CHRM2: variants seen among roughly 807,000 people sequenced by gnomAD.
CHRM2 encodes muscarinic acetylcholine receptor M2.
In CHRM2, 8 loss-of-function variants were observed where a neutral mutation model predicts 25.0. The ratio of observed to expected loss-of-function variants is 0.32; its 90% CI spans 0.19 to 0.58. CHRM2 has a LOEUF of 0.58. CHRM2 is among the 20% of genes least tolerant of loss of function. The pLI is 0.88. For missense variants in CHRM2, 440 were observed against 567.1 expected (o/e 0.78, Z 2.28); for synonymous variants, 202 against 205.7 (o/e 0.98, Z 0.15).
intron 2 of CHRM2, among the ~76,000 whole-genome samples, chr7:136,985,503 C>A: frequency 3.6e-5 from 2 of 55,398 alleles, no homozygotes. Context: ...GAGTTAGACT[C>A]CAAAAAAAAA....
intron 2 of CHRM2, chr7:136,903,156 C>T (rs751874705): frequency 3.0e-5 from 16 of 534,062 alleles, no homozygotes; most frequent in South Asian, 2.2e-4. Context: ...AGAGGATCTC[C>T]CTTCACTTTA....
chr7:136,934,133 T>C (rs1001674543), intron 2 of CHRM2, among the ~76,000 whole-genome samples: 1 of 152,100 alleles, frequency 6.6e-6, no homozygotes, highest in African/African-American at 2.4e-5. Flanking sequence ...TTTTTAAAAA[T>C]TGCAAATAAG....
chr7:136,961,047 C>A (rs1801042615), intron 2 of CHRM2, among the ~76,000 whole-genome samples: 2 of 152,234 alleles, frequency 1.3e-5, no homozygotes, highest in South Asian at 2.1e-4. Context: ...ACTGCATGAA[C>A]CCAGAAGGTG....
intron 3 of CHRM2, among the ~76,000 whole-genome samples, chr7:136,999,829 G>T (rs566827402): frequency 7.2e-5 from 11 of 152,272 alleles, no homozygotes; most frequent in Non-Finnish European, 1.5e-5. Flanking sequence ...GGAAATGTTG[G>T]TGAACGGGAA....
At chr7:136,882,570 T>C (rs1345838150) in intron 2 of CHRM2, among the ~76,000 whole-genome samples, 1 of 152,148 alleles carries the variant, frequency 6.6e-6, no homozygotes, top group East Asian at 1.9e-4. Flanking sequence ...AGTTTCCTAC[T>C]ACCCCAATCT....
At chr7:136,959,915 A>T (rs1800966464) in intron 2 of CHRM2, among the ~76,000 whole-genome samples, 1 of 152,146 alleles carries the variant, frequency 6.6e-6, no homozygotes, top group Non-Finnish European at 1.5e-5. Context: ...CCGTCCAAAA[A>T]ACAAAAACAA....
chr7:136,970,769 T>C (rs1478609691), intron 2 of CHRM2, among the ~76,000 whole-genome samples: 4 of 152,158 alleles, frequency 2.6e-5, no homozygotes. Flanking sequence ...AAAAAGGCCA[T>C]TTCTCTTTTC....
chr7:136,938,131 TCTC>T (rs1799529048), intron 2 of CHRM2: 1 of 627,322 alleles, frequency 1.6e-6, no homozygotes, highest in African/African-American at 1.8e-5. Flanking sequence ...CTGGCACTTG[TCTC>T]CTCTTCTTGT....
At chr7:136,901,048 A>T (rs566399646) in intron 2 of CHRM2, among the ~76,000 whole-genome samples, 1 of 152,036 alleles carries the variant, frequency 6.6e-6, no homozygotes, top group African/African-American at 2.4e-5. Context: ...TACACAAAAA[A>T]CCTCTTTTAG....
intron 2 of CHRM2, among the ~76,000 whole-genome samples, chr7:136,907,583 G>T (rs143063043): frequency 5.3e-4 from 81 of 151,972 alleles, no homozygotes; most frequent in African/African-American, 2.0e-3. Context: ...TAGGAATCAT[G>T]AAATTGAAAG....
At chr7:136,904,423 A>G (rs537871117) in intron 2 of CHRM2, among the ~76,000 whole-genome samples, 5 of 152,058 alleles carry the variant, frequency 3.3e-5, no homozygotes, top group South Asian at 4.1e-4. Flanking sequence ...AAATGCTTGT[A>G]GTATTTATCA....
At chr7:136,920,099 T>C (rs1031730844) in intron 2 of CHRM2, among the ~76,000 whole-genome samples, 4 of 151,920 alleles carry the variant, frequency 2.6e-5, no homozygotes, top group African/African-American at 4.8e-5. Context: ...CAACCTTATA[T>C]GGTGACATTT....
intron 2 of CHRM2, among the ~76,000 whole-genome samples, chr7:136,876,718 G>A (rs1188436459): frequency 6.6e-6 from 1 of 152,060 alleles, no homozygotes; most frequent in Admixed American, 6.6e-5. Flanking sequence ...GTCTTTTGAA[G>A]CTATCTGTAT....
chr7:136,943,568 C>G (rs145122049), intron 2 of CHRM2, among the ~76,000 whole-genome samples: 1 of 152,038 alleles, frequency 6.6e-6, no homozygotes, highest in East Asian at 1.9e-4. Flanking sequence ...TAACGGTCGC[C>G]AAGCTAATAT....
intron 2 of CHRM2, among the ~76,000 whole-genome samples, chr7:136,952,359 G>A (rs181565464): frequency 6.6e-6 from 1 of 151,700 alleles, no homozygotes; most frequent in East Asian, 1.9e-4. Flanking sequence ...TCTTCTAATT[G>A]CTTTATTGAT....
intron 2 of CHRM2, among the ~76,000 whole-genome samples, chr7:136,963,277 G>A (rs754556961): frequency 2.6e-5 from 4 of 152,126 alleles, no homozygotes; most frequent in Non-Finnish European, 5.9e-5. Context: ...TCTGTTTTCC[G>A]TTAATTAATA....
intron 2 of CHRM2, among the ~76,000 whole-genome samples, chr7:136,930,296 C>G (rs900962168): frequency 2.6e-5 from 4 of 152,020 alleles, no homozygotes; most frequent in Non-Finnish European, 5.9e-5. Context: ...ATTAGCCAGG[C>G]ATCGTGGCAC....
intron 2 of CHRM2, among the ~76,000 whole-genome samples, chr7:136,896,647 C>T (rs1261002683): frequency 1.3e-5 from 2 of 151,998 alleles, no homozygotes; most frequent in African/African-American, 4.8e-5. Context: ...TCTTTCATGA[C>T]CCTAAATAAC....
At chr7:136,874,798 T>C (rs1795983140) in intron 2 of CHRM2, among the ~76,000 whole-genome samples, 1 of 152,084 alleles carries the variant, frequency 6.6e-6, no homozygotes, top group South Asian at 2.1e-4. Flanking sequence ...TGTCTGGGCA[T>C]GTCAAATGTT....
Sources: gnomAD v4.1 joint callset for allele counts (sites outside exome capture counted in the v4.1 genomes callset) on GRCh38, gnomAD v4.1.1 for gene constraint, MANE v1.5 for transcripts, NCBI Gene and HGNC (gene_info 2026-07-23, HGNC 2026-07-21) for gene names.